The following PCDH15 variants were observed in gnomAD, a reference collection of about 807,000 sequenced individuals.
PCDH15 encodes the protein protocadherin related 15, also known as protocadherin-15.
In PCDH15, 129 loss-of-function variants were observed where a neutral mutation model predicts 178.5. The observed-to-expected ratio is 0.72, with a 90% CI of 0.63 to 0.84. The LOEUF (loss-of-function observed/expected upper bound fraction) is 0.84. Ranked by LOEUF, PCDH15 falls within the 40% of genes least tolerant of loss-of-function variation. The pLI is 0.00. For synonymous variants in PCDH15, 800 were observed against 732.0 expected, an observed-to-expected ratio of 1.09 and a Z score of -1.50; for missense variants, 2,230 against 2,099.9, an observed-to-expected ratio of 1.06 and a Z score of -1.21.
intron 2 of PCDH15, among the ~76,000 whole-genome samples, chr10:55,626,291 T>C (rs1837527974): frequency 6.6e-6 from 1 of 152,208 alleles, no homozygotes; most frequent in Admixed American, 6.5e-5. Context: ...ATGGTAATGT[T>C]AGTAAGGCCA....
At chr10:55,601,383 C>A (rs7918624) in intron 2 of PCDH15, among the ~76,000 whole-genome samples, 2 of 152,110 alleles carry the variant, frequency 1.3e-5, no homozygotes, top group Non-Finnish European at 2.9e-5. Context: ...ATCAAAGTCA[C>A]ATTGAAATGT....
At chr10:55,546,487 T>C (rs1841885181) in intron 2 of PCDH15, among the ~76,000 whole-genome samples, 1 of 152,190 alleles carries the variant, frequency 6.6e-6, no homozygotes, top group Non-Finnish European at 1.5e-5. Flanking sequence ...GTGTCATTTA[T>C]TATTTTCTGT....
At chr10:54,563,833 A>G (rs983586479) in intron 2 of PCDH15, among the ~76,000 whole-genome samples, 2 of 152,116 alleles carry the variant, frequency 1.3e-5, no homozygotes, top group African/African-American at 4.8e-5. Context: ...TAAAAATACA[A>G]CCTTACCCTA....
chr10:54,329,478 G>T, intron 7 of PCDH15, 118 bp downstream of exon 7: 1 of 737,724 alleles, frequency 1.4e-6, no homozygotes, highest in South Asian at 1.5e-5. Flanking sequence ...CCAAGGGCAG[G>T]AGTGCCCTGA....
intron 8 of PCDH15, among the ~76,000 whole-genome samples, chr10:54,315,671 T>G (rs1034888072): frequency 6.6e-6 from 1 of 151,860 alleles, no homozygotes; most frequent in African/African-American, 2.4e-5. Flanking sequence ...AGTTTTACAT[T>G]TAAGTCTTTA....
chr10:54,796,534 C>G (rs1197874198), intron 1 of PCDH15, among the ~76,000 whole-genome samples: 1 of 151,632 alleles, frequency 6.6e-6, no homozygotes, highest in African/African-American at 2.4e-5. Context: ...GTTTTCCCGG[C>G]CTGTCTGTCA....
At chr10:54,244,823 G>A (rs1342557272) in intron 8 of PCDH15, among the ~76,000 whole-genome samples, 1 of 152,180 alleles carries the variant, frequency 6.6e-6, no homozygotes, top group Non-Finnish European at 1.5e-5. Flanking sequence ...CACTCTGGAA[G>A]TCAGAGGAAA....
intron 8 of PCDH15, among the ~76,000 whole-genome samples, chr10:54,277,295 G>A (rs2058403074): frequency 6.6e-6 from 1 of 151,534 alleles, no homozygotes; most frequent in African/African-American, 2.4e-5. Flanking sequence ...TAAAATATAT[G>A]ATATAGTCTT....
At chr10:54,406,919 A>G (rs1245831822) in intron 3 of PCDH15, among the ~76,000 whole-genome samples, 1 of 152,158 alleles carries the variant, frequency 6.6e-6, no homozygotes, top group Non-Finnish European at 1.5e-5. Flanking sequence ...TAAAACTTTT[A>G]TTCTTCAAAA....
intron 3 of PCDH15, among the ~76,000 whole-genome samples, chr10:54,816,882 C>T (rs933112996): frequency 6.6e-6 from 1 of 152,004 alleles, no homozygotes; most frequent in East Asian, 1.9e-4. Flanking sequence ...ATTGACCTTA[C>T]AGGTCCCTCC....
chr10:55,547,910 T>TGAGAGAGAGAGAGAGA (rs763752387), intron 2 of PCDH15, among the ~76,000 whole-genome samples: 37 of 54,508 alleles, frequency 6.8e-4, no homozygotes, highest in South Asian at 1.9e-3. Flanking sequence ...TGTGTGTGTG[T>TGAGAGAGAGAGAGAGA]GAGAGAGAGA....
At chr10:54,305,844 C>T (rs1205372827) in intron 8 of PCDH15, among the ~76,000 whole-genome samples, 2 of 151,496 alleles carry the variant, frequency 1.3e-5, no homozygotes, top group Non-Finnish European at 2.9e-5. Flanking sequence ...AAAAAAATGG[C>T]ACACAAAGAC....
intron 9 of PCDH15, among the ~76,000 whole-genome samples, chr10:54,232,223 G>A (rs1315415317): frequency 6.6e-6 from 1 of 152,108 alleles, no homozygotes; most frequent in East Asian, 1.9e-4. Context: ...CAGTGAGTGA[G>A]TTCTCATGAG....
intron 3 of PCDH15, among the ~76,000 whole-genome samples, chr10:54,493,031 C>A (rs891281596): frequency 6.6e-6 from 1 of 152,062 alleles, no homozygotes; most frequent in Admixed American, 6.6e-5. Context: ...ATAAAACCAT[C>A]AAATTTTGTG....
intron 5 of PCDH15, among the ~76,000 whole-genome samples, chr10:54,358,044 C>A (rs1464540554): frequency 1.4e-5 from 2 of 147,836 alleles, no homozygotes; most frequent in Admixed American, 6.7e-5. Flanking sequence ...AACATTAGAC[C>A]TTAAACGATA....
intron 1 of PCDH15, among the ~76,000 whole-genome samples, chr10:55,245,932 T>A (rs1008903467): frequency 6.6e-6 from 1 of 152,200 alleles, no homozygotes; most frequent in African/African-American, 2.4e-5. Context: ...CAGCCATGCC[T>A]AAAAGGCTGA....
intron 11 of PCDH15, 87 bp from the exon 12 acceptor site, chr10:54,185,355 T>C: frequency 6.7e-7 from 1 of 1,484,834 alleles, no homozygotes; most frequent in Non-Finnish European, 9.4e-7. Context: ...TTGAAATTTA[T>C]AGCAAAAATC....
intron 1 of PCDH15, among the ~76,000 whole-genome samples, chr10:54,724,201 C>T (rs894068501): frequency 6.6e-6 from 1 of 151,684 alleles, no homozygotes; most frequent in African/African-American, 2.4e-5. Flanking sequence ...ACAAACTGTG[C>T]AGCCATTAAA....
chr10:55,022,175 G>A (rs566003515), intron 2 of PCDH15, among the ~76,000 whole-genome samples: 8 of 152,024 alleles, frequency 5.3e-5, no homozygotes, highest in South Asian at 4.2e-4. Flanking sequence ...AATGTAGGCC[G>A]GGCTCGGTGG....
Sources: gnomAD v4.1 joint callset for allele counts (sites outside exome capture counted in the v4.1 genomes callset) on GRCh38, gnomAD v4.1.1 for gene constraint, MANE v1.5 for transcripts, NCBI Gene and HGNC (gene_info 2026-07-23, HGNC 2026-07-21) for gene names.